The following YES1 variants were observed in gnomAD, a reference collection of about 807,000 sequenced individuals.
The protein encoded by YES1 is YES proto-oncogene 1, Src family tyrosine kinase.
In YES1, 39 loss-of-function variants were observed where a neutral mutation model predicts 70.4. That is an observed-to-expected ratio of 0.55 (90% CI 0.43 to 0.72). The LOEUF is 0.72. YES1 is among the 30% of genes least tolerant of loss of function. YES1 has a pLI of 0.00. For missense variants in YES1, 495 were observed against 644.8 expected (o/e 0.77, Z 2.52); for synonymous variants, 198 against 218.6 (o/e 0.91, Z 0.83).
intron 11 of YES1, among the ~76,000 whole-genome samples, chr18:727,945 CCAGAAGT>C (rs1568182162): frequency 1.3e-5 from 2 of 152,058 alleles, no homozygotes; most frequent in African/African-American, 4.8e-5. Flanking sequence ...ATGTTTGGGA[CCAGAAGT>C]GTTTCCGATT....
At chr18:793,497 C>T (rs1362618640) in intron 1 of YES1, among the ~76,000 whole-genome samples, 3 of 151,988 alleles carry the variant, frequency 2.0e-5, no homozygotes, top group African/African-American at 7.2e-5. Flanking sequence ...CCACTACACC[C>T]AACTAATTTT....
chr18:731,282 G>T (rs1189429361), intron 11 of YES1, among the ~76,000 whole-genome samples: 1 of 152,194 alleles, frequency 6.6e-6, no homozygotes, highest in South Asian at 2.1e-4. Flanking sequence ...AGAGACCAGG[G>T]TAATAGAAGA....
rs1278490742 is a variant in YES1 at position 745,976 on chromosome 18, G to A, written c.546C>T (p.Phe182=). The A allele has an allele frequency of 1.2e-6, 2 of 1,612,822 alleles. No homozygotes were observed. The highest frequency in any genetic ancestry group is 2.7e-5 in the African/African-American group (2 of 74,866). The stretch of plus-strand genomic sequence containing the variant: ...TAGTTGTTTCACTCTCTCTTACTAA[G>A]AAAATACCTCGTTGATTTCCAGGAT... ...LLNPGNQRGI[F]LVRESETTKG... The change falls in exon 5 of 12, where the codon TTC becomes TTT. Residue 182 remains phenylalanine, a synonymous_variant. Transcript: ENST00000314574.
chr18:768,430 G>A (rs1016497630), intron 1 of YES1, among the ~76,000 whole-genome samples: 1 of 151,960 alleles, frequency 6.6e-6, no homozygotes, highest in African/African-American at 2.4e-5. Context: ...TATTTATTTG[G>A]GCATTTACAG....
chr18:737,748 C>A (rs1455538929), intron 9 of YES1, among the ~76,000 whole-genome samples: 3 of 152,226 alleles, frequency 2.0e-5, no homozygotes, highest in African/African-American at 7.2e-5. Flanking sequence ...GAGACGGGGT[C>A]TCACTCTGTC....
At chr18:735,816 A>C (rs2080146534) in intron 10 of YES1, 1 of 152,146 alleles carries the variant, frequency 6.6e-6, no homozygotes, top group African/African-American at 2.4e-5. Context: ...TTTCCCAAAA[A>C]CTATTGAAAA....
chr18:800,709 G>A (rs1906776454), intron 1 of YES1, among the ~76,000 whole-genome samples: 1 of 152,208 alleles, frequency 6.6e-6, no homozygotes, highest in African/African-American at 2.4e-5. Context: ...ATTTCCATTG[G>A]TAGCTTCTGA....
chr18:737,733 T>C (rs1355960074), intron 9 of YES1, among the ~76,000 whole-genome samples: 1 of 152,196 alleles, frequency 6.6e-6, no homozygotes, highest in East Asian at 1.9e-4. Context: ...TTTGATTGAT[T>C]GACTGAGACG....
At chr18:766,156 G>A (rs1904899529) in intron 1 of YES1, among the ~76,000 whole-genome samples, 1 of 152,054 alleles carries the variant, frequency 6.6e-6, no homozygotes, top group South Asian at 2.1e-4. Flanking sequence ...TTCAGGGGAG[G>A]CTCAGTGCCT....
intron 1 of YES1, among the ~76,000 whole-genome samples, chr18:779,358 C>T (rs559606976): frequency 1.3e-5 from 2 of 149,546 alleles, no homozygotes; most frequent in African/African-American, 4.9e-5. Context: ...AAGTTATGAT[C>T]GCACCACTGC....
At chr18:763,491 T>C (rs528780627) in intron 1 of YES1, among the ~76,000 whole-genome samples, 2 of 151,962 alleles carry the variant, frequency 1.3e-5, no homozygotes, top group South Asian at 4.2e-4. Flanking sequence ...GCCTAGAAAT[T>C]TGAGAGCAGC....
intron 5 of YES1, 38 bp downstream of exon 5, chr18:745,910 G>T (rs780075326): frequency 6.9e-6 from 11 of 1,601,652 alleles, no homozygotes; most frequent in Non-Finnish European, 7.7e-6. Flanking sequence ...ACTGCCCCAA[G>T]AAATTTTATA....
At chr18:780,005 G>C (rs1468616874) in intron 1 of YES1, among the ~76,000 whole-genome samples, 2 of 151,972 alleles carry the variant, frequency 1.3e-5, no homozygotes, top group Middle Eastern at 3.4e-3. Flanking sequence ...AGGCTGAGGA[G>C]GGTAGATTAC....
chr18:724,485 G>C lies in YES1; in HGVS notation c.1571C>G (p.Ser524Cys). 1 of 1,614,122 alleles carries C rather than the reference G, an allele frequency of 6.2e-7. No individual in the cohort carries two copies. The highest frequency in any genetic ancestry group is 8.5e-7 in the Non-Finnish European group (1 of 1,180,018). ...AGCAGTGAAGTAGTCTTCCAAGAAGGACTGAATATATTCAAATGTTGGTCT... is the reference window on the plus strand; with the variant it reads ...AGCAGTGAAGTAGTCTTCCAAGAAGCACTGAATATATTCAAATGTTGGTCT... ...DERPTFEYIQ[S>C]FLEDYFTATE... The change falls in exon 12 of 12, where the codon TCC becomes TGC. Residue 524 changes from serine to cysteine, a missense_variant. By Grantham distance (112) the Ser-to-Cys change is moderately radical (BLOSUM62 -1). Transcript: ENST00000314574.
At chr18:792,300 T>C (rs553902660) in intron 1 of YES1, among the ~76,000 whole-genome samples, 1 of 151,834 alleles carries the variant, frequency 6.6e-6, no homozygotes, top group East Asian at 1.9e-4. Flanking sequence ...TGAGACTTCA[T>C]CTCGAAAAAC....
chr18:766,157 C>T (rs953032538), intron 1 of YES1, among the ~76,000 whole-genome samples: 2 of 152,162 alleles, frequency 1.3e-5, no homozygotes, highest in Non-Finnish European at 2.9e-5. Context: ...TCAGGGGAGG[C>T]TCAGTGCCTA....
intron 11 of YES1, among the ~76,000 whole-genome samples, chr18:724,983 T>C (rs2080000571): frequency 6.6e-6 from 1 of 152,232 alleles, no homozygotes. Context: ...TACTGAGGAA[T>C]GGTGGCAAGA....
intron 1 of YES1, among the ~76,000 whole-genome samples, chr18:768,819 C>T (rs755428240): frequency 6.6e-6 from 1 of 152,144 alleles, no homozygotes; most frequent in South Asian, 2.1e-4. Context: ...TCTCGTGCCT[C>T]AGCCTCCCGA....
rs552790758 is a variant in YES1, at chr18:793,132, C to T, written c.-9+18982G>A. ...TGGGCTCACTGCAACCTCCACCTCC[C>T]GGGTTCAAGCGATACTCCTGCCTCA... On this transcript the variant is annotated intron_variant, in intron 1 of 11. Coordinates refer to ENST00000314574, the MANE Select transcript of YES1 (RefSeq NM_005433.4). Among the ~76,000 whole-genome samples, 19 of 151,576 alleles carry T rather than the reference C, an allele frequency of 1.3e-4. No individual in the cohort carries two copies. In the East Asian group the frequency reaches 2.7e-3, roughly 22 times the overall value.
Sources: gnomAD v4.1 joint callset for allele counts (sites outside exome capture counted in the v4.1 genomes callset) on GRCh38, gnomAD v4.1.1 for gene constraint, MANE v1.5 for transcripts, NCBI Gene and HGNC (gene_info 2026-07-23, HGNC 2026-07-21) for gene names.